ACP1: variants seen among roughly 807,000 people sequenced by gnomAD.
ACP1 encodes acid phosphatase 1, also known as low molecular weight phosphotyrosine protein phosphatase.
ACP1 carries 23 observed loss-of-function variants against 23.4 expected under a neutral mutation model. That is an observed-to-expected ratio of 0.98 (90% CI 0.71 to 1.39). The LOEUF (loss-of-function observed/expected upper bound fraction) is 1.39, where lower values mean the gene tolerates loss of function less well. ACP1 is among the 40% of genes most tolerant of loss of function. ACP1 has a pLI of 0.00. For missense variants in ACP1, 180 were observed against 197.7 expected (o/e 0.91, Z 0.54); for synonymous variants, 72 against 67.2 (o/e 1.07, Z -0.35).
intron 4 of ACP1, among the ~76,000 whole-genome samples, chr2:276,107 C>T (rs187260377): frequency 2.0e-5 from 3 of 152,232 alleles, no homozygotes; most frequent in African/African-American, 4.8e-5. Flanking sequence ...TGTTTCTTTG[C>T]GTGTGGGGCA....
rs1191964561 is a variant in ACP1, at chr2:278,086, AT to A, written c.*788del. 6.6e-6 allele frequency: 1 copy of A among 152,218 alleles called. No individual in the cohort carries two copies. The highest frequency in any genetic ancestry group is 1.5e-5 in the Non-Finnish European group (1 of 68,030). 9.4% of individuals were successfully genotyped at this position (152,218 alleles called of 1,614,324 possible). On this transcript the variant is annotated 3_prime_UTR_variant, in exon 6 of 6. Coordinates refer to ENST00000272065, the MANE Select transcript of ACP1 (RefSeq NM_004300.4). ...CCAAATGTCCAATATAAATTGGCTT[AT>A]TTTTTAAAATAATTTTAAAAGTTGG...
Position 277,469 on chromosome 2 carries a change from T to C in ACP1, c.*165T>C, listed in dbSNP as rs1670207324. 1 of 645,840 alleles carries C rather than the reference T, an allele frequency of 1.5e-6. No homozygotes were observed. Among genetic ancestry groups the C allele is most frequent in the Non-Finnish European group, 2.8e-6 (1 of 361,300 alleles). 40.0% of individuals were successfully genotyped at this position (645,840 alleles called of 1,614,324 possible). A position where few individuals can be genotyped will look rare whatever the true frequency, so the allele number is the denominator to read the frequency against. On this transcript the variant is annotated 3_prime_UTR_variant, in exon 6 of 6. Transcript: ENST00000272065. Reference sequence around the variant, plus strand: ...AGTAATTGTAGATGGAAATCAGTTGTGTTTGGCAGGAGAATCAATAAAAAT... The same window carrying C: ...AGTAATTGTAGATGGAAATCAGTTGCGTTTGGCAGGAGAATCAATAAAAAT...
chr2:265,098 C>G, intron 1 of ACP1, 91 bp downstream of exon 1: 1 of 1,525,144 alleles, frequency 6.6e-7, no homozygotes, highest in Non-Finnish European at 9.0e-7. Context: ...GGCCTAGGAA[C>G]CATGAGGGGG....
Position 277,481 on chromosome 2 carries a change from G to C in ACP1, c.*177G>C. On this transcript the variant is annotated 3_prime_UTR_variant, in exon 6 of 6. Coordinates refer to ENST00000272065, the MANE Select transcript of ACP1 (RefSeq NM_004300.4). The stretch of plus-strand genomic sequence containing the variant: ...TGGAAATCAGTTGTGTTTGGCAGGA[G>C]AATCAATAAAAATCTTTGATTCAGA... 1 of 623,604 alleles carries C rather than the reference G, an allele frequency of 1.6e-6. No homozygotes were observed. Among genetic ancestry groups the C allele is most frequent in the South Asian group, 1.9e-5 (1 of 51,748 alleles). The allele number at this position is 623,604 out of a possible 1,614,324, so 38.6% of individuals were successfully genotyped here. A position where few individuals can be genotyped will look rare whatever the true frequency, so the allele number is the denominator to read the frequency against.
At chr2:272,596 T>G in intron 3 of ACP1, 1 of 780,196 alleles carries the variant, frequency 1.3e-6, no homozygotes, top group Non-Finnish European at 1.9e-6. Flanking sequence ...TGCATAATTT[T>G]TATTAAACAT....
intron 1 of ACP1, 21 bp from the exon 2 acceptor site, chr2:271,845 C>T: frequency 6.2e-7 from 1 of 1,606,544 alleles, no homozygotes; most frequent in Non-Finnish European, 8.5e-7. Flanking sequence ...CCTGTTTCCC[C>T]ACCCCTCCCT....
chr2:268,986 G>C (rs2952783), intron 1 of ACP1, among the ~76,000 whole-genome samples: 1 of 152,148 alleles, frequency 6.6e-6, no homozygotes, highest in Non-Finnish European at 1.5e-5. Context: ...ATTTGTAAAC[G>C]TGTGGGGCTA....
intron 1 of ACP1, among the ~76,000 whole-genome samples, chr2:271,440 G>A (rs926061295): frequency 6.6e-6 from 1 of 151,868 alleles, no homozygotes; most frequent in Non-Finnish European, 1.5e-5. Context: ...GGGGTGGGAG[G>A]GTGTCCTGAA....
At chr2:273,728 TTC>T (rs1474301465) in intron 3 of ACP1, among the ~76,000 whole-genome samples, 1 of 152,234 alleles carries the variant, frequency 6.6e-6, no homozygotes, top group African/African-American at 2.4e-5. Flanking sequence ...TTATAGCTGT[TTC>T]TTTCTCAATT....
chr2:274,832 T>C (rs922871080), intron 3 of ACP1: 2 of 188,238 alleles, frequency 1.1e-5, no homozygotes, highest in African/African-American at 4.6e-5. Context: ...TATGTGACAT[T>C]TTAGTATGTT....
In ACP1 at chr2:275,577, C is replaced by G. The variant is rs11682447; in HGVS notation, c.293+376C>G. The G allele has an allele frequency of 2.9e-3, 454 of 157,384 alleles. 5 individuals carry two copies. Among genetic ancestry groups the G allele is most frequent in the African/African-American group, 0.01 (427 of 41,790 alleles). 9.7% of individuals were successfully genotyped at this position (157,384 alleles called of 1,614,324 possible). Reference sequence around the variant, plus strand: ...GATTCTCAGGTCAAAGCTCTGCAACCATAGGTTCCTATTATTATCCCATCT... The same window carrying G: ...GATTCTCAGGTCAAAGCTCTGCAACGATAGGTTCCTATTATTATCCCATCT... On this transcript the variant is annotated intron_variant, in intron 4 of 5. Coordinates refer to ENST00000272065, the MANE Select transcript of ACP1 (RefSeq NM_004300.4).
chr2:277,261 A>T lies in ACP1; in HGVS notation c.434A>T (p.Gln145Leu). ...NDSDFETVYQ[Q>L]CVRCCRAFLE... ...TCTGACTTTGAGACGGTGTACCAGCAGTGTGTCAGGTGCTGCAGAGCGTTC... is the reference window on the plus strand; with the variant it reads ...TCTGACTTTGAGACGGTGTACCAGCTGTGTGTCAGGTGCTGCAGAGCGTTC... The change falls in exon 6 of 6, where the codon CAG becomes CTG. Residue 145 changes from glutamine to leucine, a missense_variant. Transcript: ENST00000272065. 21 of 1,613,558 alleles carry T rather than the reference A, an allele frequency of 1.3e-5. No homozygotes were observed. The highest frequency in any genetic ancestry group is 1.8e-5 in the Non-Finnish European group (21 of 1,180,036).
At chr2:273,589 G>T (rs542113752) in intron 3 of ACP1, among the ~76,000 whole-genome samples, 1 of 152,184 alleles carries the variant, frequency 6.6e-6, no homozygotes, top group African/African-American at 2.4e-5. Flanking sequence ...CACAAAGCCC[G>T]ACTGTCTCTG....
At chr2:275,892 C>G (rs1287069577) in intron 4 of ACP1, among the ~76,000 whole-genome samples, 1 of 152,162 alleles carries the variant, frequency 6.6e-6, no homozygotes, top group Non-Finnish European at 1.5e-5. Context: ...CTTTTAATTA[C>G]TTTTGTACAA....
chr2:274,540 A>AG (rs1670122246), intron 3 of ACP1: 1 of 152,254 alleles, frequency 6.6e-6, no homozygotes, highest in Admixed American at 6.5e-5. Context: ...ATCAAAATAA[A>AG]GGAGGACTGT....
intron 1 of ACP1, chr2:269,197 AC>A (rs1669968415): frequency 4.8e-6 from 2 of 412,812 alleles, no homozygotes; most frequent in Admixed American, 3.0e-5. Flanking sequence ...TGTTTAGAAA[AC>A]TAAACAAAAT....
intron 3 of ACP1, 86 bp downstream of exon 3, chr2:272,236 G>T: frequency 6.2e-7 from 1 of 1,614,154 alleles, no homozygotes; most frequent in Non-Finnish European, 8.5e-7. Context: ...ACGTGGGCCG[G>T]TCCCCAGACC....
intron 3 of ACP1, chr2:272,391 T>C (rs1232213997): frequency 6.6e-7 from 1 of 1,512,474 alleles, no homozygotes; most frequent in Non-Finnish European, 8.9e-7. Context: ...TGTATATTAA[T>C]GAATGTGTTT....
At chr2:266,301 C>A (rs959521299) in intron 1 of ACP1, 2 of 152,130 alleles carry the variant, frequency 1.3e-5, no homozygotes, top group Non-Finnish European at 2.9e-5. Flanking sequence ...TACCTTGTTT[C>A]ACATTGGTAG....
Sources: gnomAD v4.1 joint callset for allele counts (sites outside exome capture counted in the v4.1 genomes callset) on GRCh38, gnomAD v4.1.1 for gene constraint, MANE v1.5 for transcripts, NCBI Gene and HGNC (gene_info 2026-07-23, HGNC 2026-07-21) for gene names.